Variants in HMGCLL1 observed in about 807,000 individuals in gnomAD.
HMGCLL1 encodes the protein 3-hydroxy-3-methylglutaryl-CoA lyase like 1, also known as 3-hydroxymethyl-3-methylglutaryl-CoA lyase, cytoplasmic.
In HMGCLL1, 36 loss-of-function variants were observed where a neutral mutation model predicts 39.1. The observed-to-expected ratio is 0.92, with a 90% CI of 0.71 to 1.22. HMGCLL1 has a LOEUF of 1.22. Ranked by LOEUF, HMGCLL1 falls within the 50% of genes most tolerant of loss-of-function variation. The pLI is 0.00. For missense variants in HMGCLL1, 451 were observed against 416.5 expected (o/e 1.08, Z -0.72); for synonymous variants, 149 against 144.0 (o/e 1.03, Z -0.25).
At chr6:55,642,733 A>T in the HMGCLL1 span, among the ~76,000 whole-genome samples, 59 of 152,200 alleles carry the variant, frequency 3.9e-4, no homozygotes, top group Non-Finnish European at 5.7e-4. Flanking sequence ...TTTGTCACCC[A>T]GGAACTAAGT....
chr6:55,542,020 A>T, intron 2 of HMGCLL1, 40 bp downstream of exon 2: 1 of 1,264,204 alleles, frequency 7.9e-7, no homozygotes, highest in Non-Finnish European at 1.1e-6. Flanking sequence ...TAAATTTATT[A>T]ATTTGTAGAC....
At chr6:55,462,513 T>C (rs1445411189) in intron 7 of HMGCLL1, among the ~76,000 whole-genome samples, 1 of 152,174 alleles carries the variant, frequency 6.6e-6, no homozygotes, top group African/African-American at 2.4e-5. Flanking sequence ...TAAATTTAAA[T>C]TTTCTAGAGA....
chr6:55,561,273 C>T (rs1770932502), intron 1 of HMGCLL1, among the ~76,000 whole-genome samples: 1 of 152,080 alleles, frequency 6.6e-6, no homozygotes, highest in South Asian at 2.1e-4. Context: ...AAACATTGAT[C>T]CTTTTTGTCC....
the HMGCLL1 span, among the ~76,000 whole-genome samples, chr6:55,589,619 T>C: frequency 3.3e-5 from 5 of 152,320 alleles, no homozygotes; most frequent in East Asian, 9.7e-4. Context: ...GTTGTCCCTG[T>C]TTGCAGATCA....
the HMGCLL1 span, among the ~76,000 whole-genome samples, chr6:55,640,346 A>G: frequency 1.3e-5 from 2 of 152,164 alleles, no homozygotes; most frequent in Non-Finnish European, 2.9e-5. Context: ...GCCCAAAACT[A>G]AAAGCTAATG....
At chr6:55,511,515 A>C (rs578030665) in intron 5 of HMGCLL1, among the ~76,000 whole-genome samples, 3 of 98,980 alleles carry the variant, frequency 3.0e-5, no homozygotes, top group South Asian at 4.3e-4. Flanking sequence ...TAATAGTTTT[A>C]GTGTGCTTTT....
At chr6:55,638,573 C>G in the HMGCLL1 span, among the ~76,000 whole-genome samples, 1 of 152,132 alleles carries the variant, frequency 6.6e-6, no homozygotes, top group South Asian at 2.1e-4. Flanking sequence ...ACAAAAAATA[C>G]TTTCAGTCTG....
At chr6:55,563,693 C>T (rs1028465649) in intron 1 of HMGCLL1, 1 of 325,554 alleles carries the variant, frequency 3.1e-6, no homozygotes, top group Non-Finnish European at 5.9e-6. Context: ...GAACCTGATA[C>T]CAAAGTTTAC....
At chr6:55,646,170 C>T in the HMGCLL1 span, among the ~76,000 whole-genome samples, 1 of 151,862 alleles carries the variant, frequency 6.6e-6, no homozygotes, top group African/African-American at 2.4e-5. Context: ...GATATTCCAA[C>T]TTATTGGCAT....
the HMGCLL1 span, among the ~76,000 whole-genome samples, chr6:55,613,328 G>A: frequency 0.11 from 16,014 of 152,092 alleles, 968 homozygotes; most frequent in East Asian, 0.24. Context: ...AAATCGGAGC[G>A]TTTTTACATT....
the HMGCLL1 span, among the ~76,000 whole-genome samples, chr6:55,644,796 TA>T: frequency 6.6e-6 from 1 of 152,086 alleles, no homozygotes; most frequent in Non-Finnish European, 1.5e-5. Context: ...TTTTGATTAC[TA>T]TAACTCTGTA....
At chr6:55,675,704 T>A in the HMGCLL1 span, among the ~76,000 whole-genome samples, 2 of 152,160 alleles carry the variant, frequency 1.3e-5, no homozygotes, top group African/African-American at 4.8e-5. Context: ...TTTGAAACCC[T>A]TAAAATTCCT....
At chr6:55,621,791 T>G in the HMGCLL1 span, among the ~76,000 whole-genome samples, 8 of 152,138 alleles carry the variant, frequency 5.3e-5, no homozygotes, top group Non-Finnish European at 1.2e-4. Context: ...CATCGTTATA[T>G]TCCAGGTCTT....
At chr6:55,437,705 G>C (rs557254429) in intron 8 of HMGCLL1, among the ~76,000 whole-genome samples, 1 of 152,020 alleles carries the variant, frequency 6.6e-6, no homozygotes, top group East Asian at 1.9e-4. Context: ...AGCAGACGTA[G>C]AGCCTATTCA....
At chr6:55,472,032 T>C (rs976333183) in intron 7 of HMGCLL1, among the ~76,000 whole-genome samples, 2 of 151,752 alleles carry the variant, frequency 1.3e-5, no homozygotes, top group East Asian at 3.9e-4. Context: ...ATATTCAGAA[T>C]CTATGTACAA....
At chr6:55,540,388 A>T (rs1484057585) in intron 3 of HMGCLL1, among the ~76,000 whole-genome samples, 1 of 152,146 alleles carries the variant, frequency 6.6e-6, no homozygotes, top group Non-Finnish European at 1.5e-5. Flanking sequence ...TTGGGAGATA[A>T]CTAGGTGATG....
At chr6:55,507,449 A>C (rs538111093) in intron 5 of HMGCLL1, among the ~76,000 whole-genome samples, 1 of 151,468 alleles carries the variant, frequency 6.6e-6, no homozygotes, top group Non-Finnish European at 1.5e-5. Context: ...TCAATATCTG[A>C]ATATGTTCCC....
At chr6:55,440,893 T>A (rs1763566160) in intron 7 of HMGCLL1, among the ~76,000 whole-genome samples, 1 of 152,170 alleles carries the variant, frequency 6.6e-6, no homozygotes. Context: ...AAACTTTTAA[T>A]TTTAAAATAG....
chr6:55,445,086 C>T (rs568565379), intron 7 of HMGCLL1, among the ~76,000 whole-genome samples: 1 of 151,984 alleles, frequency 6.6e-6, no homozygotes, highest in African/African-American at 2.4e-5. Context: ...GGATATATGA[C>T]CTATAAAGGA....
Sources: allele counts gnomAD v4.1 joint callset (sites outside exome capture counted in the v4.1 genomes callset), GRCh38; gene constraint gnomAD v4.1.1; transcripts MANE v1.5; gene names NCBI Gene and HGNC (gene_info 2026-07-23, HGNC 2026-07-21).